Variants in RAB5A observed in about 807,000 individuals in gnomAD.
The protein encoded by RAB5A is ras-related protein Rab-5A.
RAB5A carries 8 observed loss-of-function variants against 25.7 expected under a neutral mutation model. The observed-to-expected ratio is 0.31, with a 90% CI of 0.18 to 0.56. RAB5A has a LOEUF of 0.56. Ranked by LOEUF, RAB5A falls within the 20% of genes least tolerant of loss-of-function variation. The pLI, the probability that RAB5A is intolerant of heterozygous loss-of-function variation, is 0.91. For synonymous variants in RAB5A, 98 were observed against 89.8 expected (o/e 1.09, Z -0.52); for missense variants, 192 against 259.7 (o/e 0.74, Z 1.79).
Position 19,984,644 on chromosome 3 carries a change from A to G in RAB5A, c.*821A>G, listed in dbSNP as rs1206088763. The G allele has an allele frequency of 6.2e-6, 1 of 160,978 alleles. No individual in the cohort carries two copies. The highest frequency in any genetic ancestry group is 1.4e-5 in the Non-Finnish European group (1 of 73,926). 10.0% of individuals were successfully genotyped at this position (160,978 alleles called of 1,614,324 possible). The stretch of plus-strand genomic sequence containing the variant: ...GGCTTTTGTTCCCTTTTGACATAAT[A>G]TAGTCAATGCACTAACAATTATGTA... On this transcript the variant is annotated 3_prime_UTR_variant, in exon 6 of 6. Transcript: ENST00000273047.
chr3:19,977,390 A>C (rs1423486809), intron 4 of RAB5A, among the ~76,000 whole-genome samples: 2 of 152,220 alleles, frequency 1.3e-5, no homozygotes, highest in Non-Finnish European at 2.9e-5. Context: ...GACCTTTTAA[A>C]ACTGTGCCTG....
chr3:19,956,507 A>G (rs1285995156), intron 2 of RAB5A, among the ~76,000 whole-genome samples: 3 of 152,248 alleles, frequency 2.0e-5, no homozygotes, highest in African/African-American at 7.2e-5. Flanking sequence ...TGCTGTTTCT[A>G]CTTACATATT....
At chr3:19,979,502 G>A (rs1466483862) in intron 5 of RAB5A, among the ~76,000 whole-genome samples, 2 of 150,968 alleles carry the variant, frequency 1.3e-5, no homozygotes, top group East Asian at 1.9e-4. Context: ...AGCCAGGATG[G>A]TCTCAATCTC....
At chr3:19,967,114 C>T (rs1426384600) in intron 2 of RAB5A, among the ~76,000 whole-genome samples, 2 of 151,858 alleles carry the variant, frequency 1.3e-5, no homozygotes, top group Admixed American at 6.6e-5. Context: ...TGTGTATATC[C>T]GTTGGATCAA....
chr3:19,975,105 A>G (rs1696804083), intron 2 of RAB5A, among the ~76,000 whole-genome samples: 1 of 151,990 alleles, frequency 6.6e-6, no homozygotes, highest in Non-Finnish European at 1.5e-5. Context: ...GCATGCCTGT[A>G]GTCCCAGCTA....
In RAB5A at chr3:19,969,205, C is replaced by T. The variant is rs1053630802; in HGVS notation, c.164-6396C>T. Among the ~76,000 whole-genome samples, 4 of 151,726 alleles carry T rather than the reference C, an allele frequency of 2.6e-5. No homozygotes were observed. In the South Asian group the frequency reaches 6.2e-4, roughly 24 times the overall value. On this transcript the variant is annotated intron_variant, in intron 2 of 5. Coordinates refer to ENST00000273047, the MANE Select transcript of RAB5A (RefSeq NM_004162.5). ...GATTACAGGCGCCCACATCCACGTC[C>T]GGCTAATTTTTGTATTTTTTAATAG...
At chr3:19,975,830 G>A in intron 3 of RAB5A, 78 bp downstream of exon 3, 21 of 1,454,304 alleles carry the variant, frequency 1.4e-5, no homozygotes, top group Non-Finnish European at 1.9e-5. Flanking sequence ...TAAATGTTTT[G>A]GAAAATCTTT....
chr3:19,982,944 A>C (rs1403143455), intron 5 of RAB5A, among the ~76,000 whole-genome samples: 1 of 152,166 alleles, frequency 6.6e-6, no homozygotes, highest in African/African-American at 2.4e-5. Flanking sequence ...TGTTCTAAAA[A>C]ATGTTTGTGG....
At chr3:19,956,261 A>G (rs1202658947) in intron 2 of RAB5A, among the ~76,000 whole-genome samples, 1 of 152,180 alleles carries the variant, frequency 6.6e-6, no homozygotes, top group Non-Finnish European at 1.5e-5. Context: ...TCACGAGGTC[A>G]GGAGTTCGAG....
In RAB5A at chr3:19,947,266, C is replaced by CCGGCGGCGGCGGCGGCGG. The variant is rs67898127; in HGVS notation, c.-345_-328dup. On this transcript the variant is annotated 5_prime_UTR_variant, in exon 1 of 6. Transcript: ENST00000273047. ...GGAAGAATTAGTCGGAACTCCAGCGCCGGCGGCGGCGGCGGCGGCGGAGGA... is the reference window on the plus strand; with the variant it reads ...GGAAGAATTAGTCGGAACTCCAGCGCCGGCGGCGGCGGCGGCGGCGGCGGCGGCGGCGGCGGCGGAGGA... The CCGGCGGCGGCGGCGGCGG allele has an allele frequency of 6.8e-4, 124 of 183,038 alleles. 2 individuals are homozygous for CCGGCGGCGGCGGCGGCGG. In the Middle Eastern group the frequency reaches 7.8e-3, roughly 11 times the overall value. 11.3% of individuals were successfully genotyped at this position (183,038 alleles called of 1,614,324 possible).
chr3:19,948,449 T>G (rs939500488), intron 1 of RAB5A, among the ~76,000 whole-genome samples: 4 of 152,202 alleles, frequency 2.6e-5, no homozygotes, highest in African/African-American at 9.6e-5. Flanking sequence ...ACAAAATAAG[T>G]GCCCAGTCAA....
intron 5 of RAB5A, among the ~76,000 whole-genome samples, chr3:19,980,445 A>ATT (rs11441052): frequency 3.4e-4 from 50 of 148,170 alleles, no homozygotes; most frequent in Middle Eastern, 3.6e-3. Context: ...AGGTTAGTAA[A>ATT]TTTTTTTTTC....
chr3:19,975,029 C>T (rs1044588948), intron 2 of RAB5A, among the ~76,000 whole-genome samples: 1 of 152,122 alleles, frequency 6.6e-6, no homozygotes, highest in Non-Finnish European at 1.5e-5. Flanking sequence ...AGTTCGAGAC[C>T]AGCCTGGCCA....
Position 19,983,775 on chromosome 3 carries a change from C to T in RAB5A, c.600C>T (p.Asp200=). 3 of 1,612,326 alleles carry T rather than the reference C, an allele frequency of 1.9e-6. No individual in the cohort carries two copies. The highest frequency in any genetic ancestry group is 2.5e-6 in the Non-Finnish European group (3 of 1,178,962). ...ATTCTGCCAGAGGAAGAGGAGTAGA[C>T]CTTACCGAACCCACACAACCAACCA... ...GANSARGRGV[D]LTEPTQPTRN... The change falls in exon 6 of 6, where the codon GAC becomes GAT. Residue 200 remains aspartate (D), a synonymous_variant. Transcript: ENST00000273047.
chr3:19,977,784 A>G (rs1696849484), intron 4 of RAB5A, among the ~76,000 whole-genome samples: 1 of 152,252 alleles, frequency 6.6e-6, no homozygotes, highest in Non-Finnish European at 1.5e-5. Context: ...TGTAAACTGT[A>G]AAAGCATGAC....
intron 2 of RAB5A, among the ~76,000 whole-genome samples, chr3:19,973,450 C>T (rs1696780401): frequency 6.9e-6 from 1 of 143,936 alleles, no homozygotes; most frequent in Non-Finnish European, 1.5e-5. Flanking sequence ...GACTTATTTT[C>T]CTCTTTTCCT....
chr3:19,955,609 G>T (rs946333154), intron 2 of RAB5A, among the ~76,000 whole-genome samples: 2 of 152,076 alleles, frequency 1.3e-5, no homozygotes, highest in Non-Finnish European at 2.9e-5. Flanking sequence ...TAAAAACATT[G>T]TTGACTGGGC....
At chr3:19,978,581 A>G (rs1171672025) in intron 5 of RAB5A, 178 bp downstream of exon 5, 10 of 529,370 alleles carry the variant, frequency 1.9e-5, no homozygotes, top group Admixed American at 3.5e-5. Context: ...CCACAAAACA[A>G]TATTTTGTTG....
chr3:19,953,770 C>T (rs982752824), intron 2 of RAB5A, among the ~76,000 whole-genome samples: 1 of 152,120 alleles, frequency 6.6e-6, no homozygotes, highest in African/African-American at 2.4e-5. Context: ...GAATACTATT[C>T]AGGAGGTATG....
Sources: allele counts gnomAD v4.1 joint callset (sites outside exome capture counted in the v4.1 genomes callset), GRCh38; gene constraint gnomAD v4.1.1; transcripts MANE v1.5; gene names NCBI Gene and HGNC (gene_info 2026-07-23, HGNC 2026-07-21).